Variants in CYSLTR2 observed in about 807,000 individuals in gnomAD.
CYSLTR2 encodes G-protein coupled receptor GPCR21.
For missense variants in CYSLTR2, 398 were observed against 411.9 expected (o/e 0.97, Z 0.29); for synonymous variants, 179 against 160.8 (o/e 1.11, Z -0.86).
At chr13:48,695,709 G>T (rs1286195605) in intron 3 of CYSLTR2, among the ~76,000 whole-genome samples, 1 of 152,096 alleles carries the variant, frequency 6.6e-6, no homozygotes, top group African/African-American at 2.4e-5. Context: ...ACATAGCATA[G>T]CTCCCTAGAG....
At position 48,695,592 on chromosome 13, in the gene CYSLTR2, A is replaced by C. The variant is rs147982482; in HGVS notation, c.-102-934A>C. Among the ~76,000 whole-genome samples the C allele has an allele frequency of 4.4e-3, 670 of 152,072 alleles. 3 individuals are homozygous for C. The highest frequency in any genetic ancestry group is 0.014 in the Middle Eastern group (4 of 294). ...TCTACTTCCCTCCAACCCCCACCAC[A>C]TTCTTAATCCCCGGCAATTACAAAT... On this transcript the variant is annotated intron_variant, in intron 3 of 4. Coordinates refer to ENST00000682523, the MANE Select transcript of CYSLTR2 (RefSeq NM_001308476.3).
chr13:48,670,047 C>A (rs1566084987), intron 1 of CYSLTR2, among the ~76,000 whole-genome samples: 1 of 152,138 alleles, frequency 6.6e-6, no homozygotes, highest in African/African-American at 2.4e-5. Flanking sequence ...AGCTTTTCTT[C>A]ATATGTTTGT....
intron 1 of CYSLTR2, among the ~76,000 whole-genome samples, chr13:48,664,985 C>G (rs771008285): frequency 6.6e-6 from 1 of 151,760 alleles, no homozygotes; most frequent in Admixed American, 6.6e-5. Flanking sequence ...TTTGCTGTGC[C>G]CCATAGTTTT....
intron 4 of CYSLTR2, among the ~76,000 whole-genome samples, chr13:48,704,581 T>C (rs1954435023): frequency 6.6e-6 from 1 of 152,156 alleles, no homozygotes; most frequent in African/African-American, 2.4e-5. Context: ...TTGTAATGTA[T>C]GAATTTAGTG....
At chr13:48,658,834 A>T (rs969426581) in intron 1 of CYSLTR2, among the ~76,000 whole-genome samples, 2 of 152,142 alleles carry the variant, frequency 1.3e-5, no homozygotes, top group Non-Finnish European at 2.9e-5. Context: ...AACAAGATCA[A>T]TACTATGAAA....
chr13:48,656,674 T>C (rs1953006018), intron 1 of CYSLTR2, among the ~76,000 whole-genome samples: 1 of 152,228 alleles, frequency 6.6e-6, no homozygotes. Flanking sequence ...ATGGTTACCT[T>C]GGGCATCGTT....
chr13:48,672,810 G>T (rs1176655753), intron 1 of CYSLTR2, among the ~76,000 whole-genome samples: 1 of 151,766 alleles, frequency 6.6e-6, no homozygotes, highest in East Asian at 1.9e-4. Context: ...TAGAGGCGGG[G>T]TTTCACTGTG....
rs1165140027 is a variant in CYSLTR2, at chr13:48,707,029, C to T, written c.212C>T (p.Thr71Ile). The change falls in exon 5 of 5, where the codon ACA becomes ATA. Residue 71 changes from threonine to isoleucine, a missense_variant. Physicochemically the swap from Thr to Ile is moderately conservative, Grantham distance 89. Coordinates refer to ENST00000682523, the MANE Select transcript of CYSLTR2 (RefSeq NM_001308476.3). Reference sequence around the variant, plus strand: ...TTCCTGCAGCCTTATAAGAAGTCCACATCTGTGAACGTTTTCATGCTAAAT... The same window carrying T: ...TTCCTGCAGCCTTATAAGAAGTCCATATCTGTGAACGTTTTCATGCTAAAT... ...YVFLQPYKKSTSVNVFMLNLA... is the reference protein window; with the variant it reads ...YVFLQPYKKSISVNVFMLNLA... 1 of 1,614,070 alleles carries T rather than the reference C, an allele frequency of 6.2e-7. No homozygotes were observed. The highest frequency in any genetic ancestry group is 8.5e-7 in the Non-Finnish European group (1 of 1,180,042).
chr13:48,654,090 G>A (rs1952937473), intron 1 of CYSLTR2, 73 bp downstream of exon 1: 1 of 152,016 alleles, frequency 6.6e-6, no homozygotes, highest in Admixed American at 6.6e-5. Context: ...AATAGTCAGA[G>A]GAGTAATTTT....
At chr13:48,706,669 CTT>C (rs755923445) in intron 4 of CYSLTR2, 146 bp from the exon 5 acceptor site, 4 of 632,552 alleles carry the variant, frequency 6.3e-6, no homozygotes, top group Non-Finnish European at 1.1e-5. Context: ...GTAGTAAAGA[CTT>C]AACCAGTGTT....
intron 1 of CYSLTR2, among the ~76,000 whole-genome samples, chr13:48,658,235 T>C (rs928451128): frequency 1.3e-5 from 2 of 152,206 alleles, no homozygotes; most frequent in Non-Finnish European, 2.9e-5. Flanking sequence ...TGTGGCTGCC[T>C]TCTGCTCCCA....
chr13:48,675,583 TG>T (rs112312888), intron 1 of CYSLTR2, among the ~76,000 whole-genome samples: 17,941 of 152,090 alleles, frequency 0.12, 1,608 homozygotes, highest in African/African-American at 0.24. Flanking sequence ...CTGGGCTTTG[TG>T]GGGGTGCATC....
At chr13:48,661,318 A>T (rs1019171217) in intron 1 of CYSLTR2, among the ~76,000 whole-genome samples, 2 of 152,098 alleles carry the variant, frequency 1.3e-5, no homozygotes, top group African/African-American at 2.4e-5. Context: ...CCATGGTCAT[A>T]GAGGTAGTCC....
chr13:48,678,026 C>T (rs185688754), intron 1 of CYSLTR2, among the ~76,000 whole-genome samples: 2 of 152,066 alleles, frequency 1.3e-5, no homozygotes, highest in African/African-American at 4.8e-5. Flanking sequence ...CAAGCACCAC[C>T]ACATTTCTCC....
At chr13:48,665,110 G>A (rs1953227245) in intron 1 of CYSLTR2, among the ~76,000 whole-genome samples, 1 of 151,928 alleles carries the variant, frequency 6.6e-6, no homozygotes, top group African/African-American at 2.4e-5. Context: ...CCATGTATTT[G>A]TATAGTTTTG....
At chr13:48,677,578 A>G (rs751411070) in intron 1 of CYSLTR2, among the ~76,000 whole-genome samples, 2 of 152,182 alleles carry the variant, frequency 1.3e-5, no homozygotes, top group Admixed American at 6.5e-5. Context: ...TGATGTTCAG[A>G]GAGGAGGAGA....
intron 1 of CYSLTR2, among the ~76,000 whole-genome samples, chr13:48,685,888 A>G (rs1391582972): frequency 6.6e-6 from 1 of 152,202 alleles, no homozygotes; most frequent in Non-Finnish European, 1.5e-5. Context: ...AATTCTGTGT[A>G]TATCAGGCTT....
At chr13:48,672,152 G>A (rs1275851309) in intron 1 of CYSLTR2, among the ~76,000 whole-genome samples, 1 of 151,948 alleles carries the variant, frequency 6.6e-6, no homozygotes, top group African/African-American at 2.4e-5. Context: ...TTTTTATTGT[G>A]TCTATTTGAT....
chr13:48,694,571 G>C (rs867081997), intron 3 of CYSLTR2: 2 of 152,174 alleles, frequency 1.3e-5, no homozygotes, highest in African/African-American at 4.8e-5. Context: ...CATGAACAGG[G>C]TCCCACATGT....
Sources: allele counts gnomAD v4.1 joint callset (sites outside exome capture counted in the v4.1 genomes callset), GRCh38; gene constraint gnomAD v4.1.1; transcripts MANE v1.5; gene names NCBI Gene and HGNC (gene_info 2026-07-23, HGNC 2026-07-21).